The following VMP1 variants were observed in gnomAD, a reference collection of about 807,000 sequenced individuals.
The protein encoded by VMP1 is vacuole membrane protein 1.
A neutral mutation model predicts 56.0 loss-of-function variants in VMP1; 11 were observed. The observed-to-expected ratio is 0.20, with a 90% CI of 0.12 to 0.32. The LOEUF is 0.32. Among genes scored for constraint, VMP1 ranks in the 10% least tolerant of loss-of-function variants. The probability of loss-of-function intolerance (pLI) is 1.00; values close to 1 mark genes in which losing one functional copy is unlikely to be tolerated. For missense variants in VMP1, 296 were observed against 490.3 expected (o/e 0.60, Z 3.74); for synonymous variants, 149 against 165.0 (o/e 0.90, Z 0.74).
chr17:59,825,040 G>A (rs2038596844), intron 10 of VMP1, among the ~76,000 whole-genome samples: 1 of 150,726 alleles, frequency 6.6e-6, no homozygotes, highest in African/African-American at 2.4e-5. Context: ...CAAAGAACTA[G>A]GGAACTTCTA....
At chr17:59,733,057 T>C (rs976875136) in intron 2 of VMP1, among the ~76,000 whole-genome samples, 2 of 152,114 alleles carry the variant, frequency 1.3e-5, no homozygotes, top group African/African-American at 4.8e-5. Flanking sequence ...TAGTTCTAGC[T>C]AGCTACTCAA....
intron 7 of VMP1, among the ~76,000 whole-genome samples, chr17:59,774,423 A>C (rs1159066290): frequency 2.0e-5 from 2 of 101,634 alleles, no homozygotes; most frequent in Admixed American, 1.9e-4. Flanking sequence ...AAAAAAAAAA[A>C]AGAAAGAAAG....
intron 1 of VMP1, among the ~76,000 whole-genome samples, chr17:59,711,638 T>A (rs763838665): frequency 2.6e-5 from 4 of 152,202 alleles, no homozygotes; most frequent in Non-Finnish European, 5.9e-5. Flanking sequence ...TAGGCCCTTA[T>A]ATAAAGCTTA....
chr17:59,715,011 G>A (rs1354793669), intron 1 of VMP1, among the ~76,000 whole-genome samples: 1 of 151,982 alleles, frequency 6.6e-6, no homozygotes, highest in Non-Finnish European at 1.5e-5. Context: ...CTTTTCCATT[G>A]GCTTCTAACT....
rs559543506 is a variant in VMP1 at position 59,745,586 on chromosome 17, C to G, written c.414+6639C>G. On this transcript the variant is annotated intron_variant, in intron 5 of 11. Coordinates refer to ENST00000262291, the MANE Select transcript of VMP1 (RefSeq NM_030938.5). ...ACAGAATTTTATCCTTATTGGTCACCATTTCTTTTCTTTTATATGTAGGAA... is the reference window on the plus strand; with the variant it reads ...ACAGAATTTTATCCTTATTGGTCACGATTTCTTTTCTTTTATATGTAGGAA... Among the ~76,000 whole-genome samples, 9 of 152,138 alleles carry G rather than the reference C, an allele frequency of 5.9e-5. No individual in the cohort carries two copies. In the East Asian group the frequency reaches 1.7e-3, roughly 29 times the overall value.
At chr17:59,812,489 C>T (rs769961241) in intron 9 of VMP1, among the ~76,000 whole-genome samples, 13 of 152,054 alleles carry the variant, frequency 8.5e-5, no homozygotes, top group Admixed American at 1.3e-4. Context: ...ACAATTTAAA[C>T]GAAGGGAAAA....
chr17:59,764,761 A>G (rs2036174677), intron 5 of VMP1, among the ~76,000 whole-genome samples: 1 of 152,130 alleles, frequency 6.6e-6, no homozygotes, highest in African/African-American at 2.4e-5. Flanking sequence ...ACCTCAATAA[A>G]TCTGATTTTT....
chr17:59,828,219 T>C (rs537082349), intron 10 of VMP1, among the ~76,000 whole-genome samples: 7 of 152,244 alleles, frequency 4.6e-5, no homozygotes, highest in African/African-American at 1.7e-4. Context: ...TGAAATGAGG[T>C]TTTGTTCTCT....
At chr17:59,744,089 T>G (rs2035327442) in intron 5 of VMP1, among the ~76,000 whole-genome samples, 3 of 139,256 alleles carry the variant, frequency 2.2e-5, no homozygotes, top group Admixed American at 2.1e-4. Flanking sequence ...TGCTGAGGTT[T>G]TTGTTTTTTT....
intron 3 of VMP1, 100 bp downstream of exon 3, chr17:59,735,573 G>T: frequency 7.9e-7 from 1 of 1,260,218 alleles, no homozygotes; most frequent in Non-Finnish European, 1.1e-6. Context: ...CCATCAAAAT[G>T]GATTAATTAC....
intron 7 of VMP1, among the ~76,000 whole-genome samples, chr17:59,776,566 T>C (rs937373354): frequency 6.6e-6 from 1 of 152,226 alleles, no homozygotes; most frequent in African/African-American, 2.4e-5. Context: ...TCTAACTTTA[T>C]AGAAAACAGT....
At chr17:59,767,039 A>G (rs923268646) in intron 6 of VMP1, among the ~76,000 whole-genome samples, 14 of 151,650 alleles carry the variant, frequency 9.2e-5, no homozygotes, top group African/African-American at 2.7e-4. Context: ...GGCGTGAGCC[A>G]CCTCACCCAG....
intron 6 of VMP1, among the ~76,000 whole-genome samples, chr17:59,771,742 G>C (rs916789056): frequency 6.6e-6 from 1 of 151,192 alleles, no homozygotes; most frequent in South Asian, 2.1e-4. Context: ...AAGTAACTGG[G>C]ACCACAAGTG....
In VMP1 at chr17:59,785,966, A is replaced by G. The variant is rs552220425; in HGVS notation, c.714+12081A>G. Among the ~76,000 whole-genome samples the G allele has an allele frequency of 7.2e-5, 11 of 152,284 alleles. No individual in the cohort carries two copies. In the East Asian group the frequency reaches 1.9e-3, roughly 27 times the overall value. ...CTAAATCCCCAAATTAAGTTTTAAT[A>G]CTAGTATCTTTTACCTTACTAATTT... On this transcript the variant is annotated intron_variant, in intron 7 of 11. Coordinates refer to ENST00000262291, the MANE Select transcript of VMP1 (RefSeq NM_030938.5).
intron 1 of VMP1, among the ~76,000 whole-genome samples, chr17:59,711,890 AATG>A (rs1409790398): frequency 2.0e-5 from 3 of 152,114 alleles, no homozygotes; most frequent in Admixed American, 6.5e-5. Flanking sequence ...TGAGTTTTTT[AATG>A]ATAACTTTGT....
chr17:59,744,394 G>A (rs569916919), intron 5 of VMP1, among the ~76,000 whole-genome samples: 1 of 150,224 alleles, frequency 6.7e-6, no homozygotes, highest in African/African-American at 2.5e-5. Context: ...CCCAGGAGGT[G>A]GAGGTTGCAG....
chr17:59,766,761 T>C (rs1381373861), intron 6 of VMP1, among the ~76,000 whole-genome samples: 1 of 152,088 alleles, frequency 6.6e-6, no homozygotes, highest in Non-Finnish European at 1.5e-5. Flanking sequence ...CCACACAATT[T>C]TTTTTGTGTG....
intron 11 of VMP1, 69 bp from the exon 12 acceptor site, chr17:59,839,699 A>G: frequency 6.5e-7 from 1 of 1,533,084 alleles, no homozygotes; most frequent in African/African-American, 1.4e-5. Context: ...AGCATTATAG[A>G]TGATCCTCTT....
Position 59,738,924 on chromosome 17 carries a change from C to G in VMP1, c.391C>G (p.Leu131Val). ...GTCTTCTGTTGGGCTTGGAACAGGG[C>G]TGCACACCTTTCTGCTTTATCTGGT... is the stretch of plus-strand genomic sequence containing the variant. ...ILSSVGLGTGLHTFLLYLGPH... is the reference protein window; with the variant it reads ...ILSSVGLGTGVHTFLLYLGPH... The change falls in exon 5 of 12, where the codon CTG becomes GTG. Residue 131 changes from leucine (L) to valine (V), a missense_variant. By Grantham distance (32) the Leu-to-Val change is conservative. Coordinates refer to ENST00000262291, the MANE Select transcript of VMP1 (RefSeq NM_030938.5). The G allele has an allele frequency of 2.5e-6, 4 of 1,608,358 alleles. No individual in the cohort carries two copies. Among genetic ancestry groups the G allele is most frequent in the Non-Finnish European group, 3.4e-6 (4 of 1,178,238 alleles).
Sources: allele counts gnomAD v4.1 joint callset (sites outside exome capture counted in the v4.1 genomes callset), GRCh38; gene constraint gnomAD v4.1.1; transcripts MANE v1.5; gene names NCBI Gene and HGNC (gene_info 2026-07-23, HGNC 2026-07-21).